Variants in METTL16 observed in about 807,000 individuals in gnomAD.
METTL16 encodes RNA N(6)-adenosine-methyltransferase METTL16.
Under a neutral mutation model 57.9 loss-of-function variants are expected in METTL16, and 19 were observed. The ratio of observed to expected loss-of-function variants is 0.33; its 90% CI spans 0.23 to 0.48. METTL16 has a LOEUF of 0.48. Ranked by LOEUF, METTL16 falls within the 20% of genes least tolerant of loss-of-function variation. The pLI is 0.99. For missense variants in METTL16, 434 were observed against 691.5 expected (o/e 0.63, Z 4.18); for synonymous variants, 246 against 255.6 (o/e 0.96, Z 0.36).
intron 5 of METTL16, among the ~76,000 whole-genome samples, chr17:2,467,429 T>C (rs2067207105): frequency 6.6e-6 from 1 of 151,420 alleles, no homozygotes; most frequent in Admixed American, 6.6e-5. Flanking sequence ...CAAATTTAGA[T>C]TTTTTTTTCT....
chr17:2,477,503 T>C (rs1398920456), intron 3 of METTL16, 183 bp downstream of exon 3: 2 of 594,638 alleles, frequency 3.4e-6, no homozygotes, highest in Non-Finnish European at 6.0e-6. Flanking sequence ...GAGCAACACA[T>C]CAGTGCTCAA....
At chr17:2,432,334 G>A (rs917922104) in intron 8 of METTL16, among the ~76,000 whole-genome samples, 4 of 152,158 alleles carry the variant, frequency 2.6e-5, no homozygotes, top group Admixed American at 6.5e-5. Flanking sequence ...GTGGGAGGCC[G>A]AGGAAGGTGG....
chr17:2,449,001 T>TG (rs2067048631), intron 6 of METTL16, among the ~76,000 whole-genome samples: 1 of 144,910 alleles, frequency 6.9e-6, no homozygotes, highest in Non-Finnish European at 1.5e-5. Flanking sequence ...CACTCCAGCC[T>TG]AGTGACAGAG....
intron 4 of METTL16, among the ~76,000 whole-genome samples, chr17:2,473,152 T>G (rs1597460597): frequency 6.6e-6 from 1 of 152,046 alleles, no homozygotes; most frequent in African/African-American, 2.4e-5. Flanking sequence ...AACCTAAAAA[T>G]GCCCTAAAAA....
chr17:2,460,330 T>C (rs1278252806), intron 6 of METTL16: 1 of 152,132 alleles, frequency 6.6e-6, no homozygotes, highest in Non-Finnish European at 1.5e-5. Flanking sequence ...TTGCATTTTA[T>C]CCTTCCTAGC....
At chr17:2,502,555 G>A (rs1254187735) in intron 1 of METTL16, among the ~76,000 whole-genome samples, 2 of 152,030 alleles carry the variant, frequency 1.3e-5, no homozygotes, top group Non-Finnish European at 2.9e-5. Context: ...GAGCATGGTG[G>A]CGGGAGCCTG....
rs765971942 is a variant in METTL16, at chr17:2,441,521, G to A, written c.767C>T (p.Ala256Val). 1.0e-5 allele frequency: 16 copies of A among 1,595,992 alleles called. No individual in the cohort carries two copies. The highest frequency in any genetic ancestry group is 1.3e-5 in the African/African-American group (1 of 74,358). Residue 256 changes from alanine (A) to valine (V), a missense_variant, in exon 7 of 10, where the codon GCG becomes GTG. Physicochemically the swap from Ala to Val is moderately conservative, Grantham distance 64 (BLOSUM62 0). Coordinates refer to ENST00000263092, the MANE Select transcript of METTL16 (RefSeq NM_024086.4). ...TATGCGAAGCTCCTCCTTCAGAGGC[G>A]CCAGGCTGCATTTCTTTCCCAGCAT... is the stretch of plus-strand genomic sequence containing the variant. ...SCMLGKKCSL[A>V]PLKEELRIQG...
intron 8 of METTL16, among the ~76,000 whole-genome samples, chr17:2,423,200 A>G (rs2066780830): frequency 6.6e-6 from 1 of 151,922 alleles, no homozygotes; most frequent in African/African-American, 2.4e-5. Flanking sequence ...GCATACATAC[A>G]CAACAACCTA....
In METTL16 at chr17:2,464,315, AG is replaced by A. The variant is rs1418434823; in HGVS notation, c.620del (p.Pro207LeufsTer19). On this transcript the variant is annotated frameshift_variant, in exon 6 of 10. Transcript: ENST00000263092. LOFTEE classifies it high-confidence loss of function. ...VNSRNPRRPP[P>X]SSVNTGGITE... The stretch of plus-strand genomic sequence containing the variant: ...TGATGCCTCCTGTATTAACAGAACT[AG>A]GCGGAGGTCTTCGAGGATTTCGTGA... 6.2e-7 allele frequency: 1 copy of A among 1,607,980 alleles called. No homozygotes were observed. The highest frequency in any genetic ancestry group is 8.5e-7 in the Non-Finnish European group (1 of 1,178,562).
intron 8 of METTL16, among the ~76,000 whole-genome samples, chr17:2,435,412 G>A (rs2066902248): frequency 6.6e-6 from 1 of 152,140 alleles, no homozygotes; most frequent in Non-Finnish European, 1.5e-5. Flanking sequence ...GGGAAAGTCA[G>A]ATGGGGTTTT....
At chr17:2,446,063 T>G (rs1404256380) in intron 6 of METTL16, among the ~76,000 whole-genome samples, 1 of 152,134 alleles carries the variant, frequency 6.6e-6, no homozygotes, top group Non-Finnish European at 1.5e-5. Flanking sequence ...TGCTTTTTCA[T>G]GACAAAACTC....
chr17:2,472,655 A>C (rs1454009160), intron 4 of METTL16, among the ~76,000 whole-genome samples: 1 of 152,174 alleles, frequency 6.6e-6, no homozygotes, highest in African/African-American at 2.4e-5. Flanking sequence ...AGCAGGAAAA[A>C]AAAAATTAAA....
intron 8 of METTL16, among the ~76,000 whole-genome samples, chr17:2,433,821 C>T (rs901613146): frequency 6.6e-6 from 1 of 152,142 alleles, no homozygotes; most frequent in African/African-American, 2.4e-5. Flanking sequence ...ACTGGGAACG[C>T]CACCCACCGA....
At chr17:2,448,802 TAAAAAAAAAAA>T (rs71150866) in intron 6 of METTL16, among the ~76,000 whole-genome samples, 9 of 43,642 alleles carry the variant, frequency 2.1e-4, no homozygotes, top group South Asian at 1.0e-3. Context: ...AAATAAAATT[TAAAAAAAAAAA>T]AAAAAAAAAA....
At chr17:2,475,578 A>G (rs2067263972) in intron 3 of METTL16, among the ~76,000 whole-genome samples, 1 of 152,254 alleles carries the variant, frequency 6.6e-6, no homozygotes, top group Non-Finnish European at 1.5e-5. Flanking sequence ...CGCCAAAAAA[A>G]GTTTCTTAAT....
chr17:2,484,488 C>G (rs904224941), intron 2 of METTL16, among the ~76,000 whole-genome samples: 1 of 151,952 alleles, frequency 6.6e-6, no homozygotes, highest in Non-Finnish European at 1.5e-5. Context: ...GTTATGACCA[C>G]TACTCTGTTC....
Position 2,466,188 on chromosome 17 carries a change from T to C in METTL16, c.585+1573A>G, listed in dbSNP as rs2067194203. Among the ~76,000 whole-genome samples, 6 of 109,826 alleles carry C rather than the reference T, an allele frequency of 5.5e-5. No homozygotes were observed. In the South Asian group the frequency reaches 1.8e-3, roughly 33 times the overall value. The allele number at this position is 109,826 out of a possible 152,430, so 72.1% of individuals were successfully genotyped here. On this transcript the variant is annotated intron_variant, in intron 5 of 9. Transcript: ENST00000263092. Reference sequence around the variant, plus strand: ...AGCCTGGGTGACAAGAGTAAGACTCTGTCACAAAAAAAAAAAAAAAAAAAG... The same window carrying C: ...AGCCTGGGTGACAAGAGTAAGACTCCGTCACAAAAAAAAAAAAAAAAAAAG...
chr17:2,466,753 CTGTATTTT>C (rs754529107), intron 5 of METTL16, among the ~76,000 whole-genome samples: 12 of 151,962 alleles, frequency 7.9e-5, no homozygotes, highest in Non-Finnish European at 1.8e-4. Flanking sequence ...AATAGTGATA[CTGTATTTT>C]TGTATTATTT....
At chr17:2,421,891 G>A (rs528329766) in intron 8 of METTL16, among the ~76,000 whole-genome samples, 1 of 152,246 alleles carries the variant, frequency 6.6e-6, no homozygotes, top group Admixed American at 6.5e-5. Context: ...TGACACCGGC[G>A]CTGATGAGAA....
Sources: gnomAD v4.1 joint callset for allele counts (sites outside exome capture counted in the v4.1 genomes callset) on GRCh38, gnomAD v4.1.1 for gene constraint, MANE v1.5 for transcripts, NCBI Gene and HGNC (gene_info 2026-07-23, HGNC 2026-07-21) for gene names.